Variants in UNC5B observed in about 807,000 individuals in gnomAD.
UNC5B encodes the protein netrin receptor UNC5B.
UNC5B carries 56 observed loss-of-function variants against 103.7 expected under a neutral mutation model. That is an observed-to-expected ratio of 0.54 (90% CI 0.44 to 0.67). The LOEUF is 0.67. Ranked by LOEUF, UNC5B falls within the 30% of genes least tolerant of loss-of-function variation. UNC5B has a pLI of 0.00. For missense variants in UNC5B, 1,194 were observed against 1,284.5 expected, an observed-to-expected ratio of 0.93 and a Z score of 1.08; for synonymous variants, 577 against 542.0, an observed-to-expected ratio of 1.06 and a Z score of -0.90.
intron 1 of UNC5B, among the ~76,000 whole-genome samples, chr10:71,223,704 A>G (rs1376625051): frequency 1.4e-5 from 2 of 148,014 alleles, no homozygotes; most frequent in Non-Finnish European, 3.1e-5. Context: ...CAGCTGGTCC[A>G]GGCGACTTTA....
intron 1 of UNC5B, among the ~76,000 whole-genome samples, chr10:71,234,001 T>G (rs1371064421): frequency 3.3e-5 from 5 of 152,204 alleles, no homozygotes; most frequent in Non-Finnish European, 7.3e-5. Context: ...GCCTGATGAG[T>G]GTGCAAGTAC....
chr10:71,256,976 G>A (rs560082638), intron 1 of UNC5B, among the ~76,000 whole-genome samples: 1 of 152,312 alleles, frequency 6.6e-6, no homozygotes, highest in Admixed American at 6.5e-5. Flanking sequence ...GGAAGGTGCA[G>A]GAAGACGACA....
At chr10:71,233,045 G>A (rs1423731632) in intron 1 of UNC5B, among the ~76,000 whole-genome samples, 2 of 152,220 alleles carry the variant, frequency 1.3e-5, no homozygotes, top group African/African-American at 2.4e-5. Context: ...TCTGAATGTG[G>A]TCTGCAGTAT....
intron 15 of UNC5B, 107 bp from the exon 16 acceptor site, chr10:71,297,802 G>C (rs1845480047): frequency 8.0e-7 from 1 of 1,247,182 alleles, no homozygotes; most frequent in Admixed American, 2.2e-5. Context: ...GTCCAGAGGA[G>C]GTGGGAGTGA....
At chr10:71,236,198 A>G (rs138421409) in intron 1 of UNC5B, among the ~76,000 whole-genome samples, 7 of 152,358 alleles carry the variant, frequency 4.6e-5, no homozygotes, top group Admixed American at 2.0e-4. Flanking sequence ...TAGGTGCCCC[A>G]TAAGTATGAG....
At chr10:71,217,490 C>A (rs1843355856) in intron 1 of UNC5B, 1 of 152,160 alleles carries the variant, frequency 6.6e-6, no homozygotes, top group African/African-American at 2.4e-5. Context: ...GCGCTGGCCT[C>A]GGCCCCCGAC....
At chr10:71,241,604 C>T (rs10999743) in intron 1 of UNC5B, among the ~76,000 whole-genome samples, 58,907 of 151,690 alleles carry the variant, frequency 0.39, 11,772 homozygotes, top group East Asian at 0.5. Context: ...CCCTGGGAGG[C>T]TGAGCTGTAC....
intron 1 of UNC5B, among the ~76,000 whole-genome samples, chr10:71,226,757 A>C (rs116476772): frequency 2.0e-4 from 31 of 152,362 alleles, no homozygotes; most frequent in African/African-American, 7.5e-4. Context: ...ATGCCATATT[A>C]ATATCATGTT....
In UNC5B at chr10:71,213,736, T is replaced by A. The variant is rs1370128539; in HGVS notation, c.79+672T>A. ...TTTTCTGAGTGTTGGAGAGTGTGTG[T>A]GTGTGTGTGTGTGTGTGTGTGTGTG... is the stretch of plus-strand genomic sequence containing the variant. On this transcript the variant is annotated intron_variant, in intron 1 of 16. Transcript: ENST00000335350. This position sits in a 1 kb window ranked among gnomAD's most constrained non-coding sequence, Gnocchi z 4.1. 1.0e-3 allele frequency among the ~76,000 whole-genome samples: 152 copies of A among 147,544 alleles called. 1 individual carries two copies. Among genetic ancestry groups the A allele is most frequent in the African/African-American group, 3.6e-3 (145 of 39,772 alleles).
At chr10:71,281,224 T>G (rs1376196988) in intron 2 of UNC5B, among the ~76,000 whole-genome samples, 1 of 152,210 alleles carries the variant, frequency 6.6e-6, no homozygotes, top group Non-Finnish European at 1.5e-5. Context: ...ACCATATGCT[T>G]ACAAATGGTT....
chr10:71,239,426 G>A (rs1843840231), intron 1 of UNC5B, among the ~76,000 whole-genome samples: 1 of 152,102 alleles, frequency 6.6e-6, no homozygotes, highest in Non-Finnish European at 1.5e-5. Context: ...CGGGTGGGTG[G>A]GATGAGGGTC....
At chr10:71,295,287 C>T (rs538548754) in intron 13 of UNC5B, among the ~76,000 whole-genome samples, 205 of 152,296 alleles carry the variant, frequency 1.3e-3, no homozygotes, top group Middle Eastern at 3.4e-3. Context: ...GTATAGAAAT[C>T]AAGAGAGAAG....
intron 1 of UNC5B, among the ~76,000 whole-genome samples, chr10:71,229,164 C>A (rs1843631875): frequency 6.6e-6 from 1 of 152,244 alleles, no homozygotes; most frequent in South Asian, 2.1e-4. Flanking sequence ...ATGGACGGAA[C>A]TGGCACTTTC....
intron 1 of UNC5B, among the ~76,000 whole-genome samples, chr10:71,220,608 A>G (rs1843434516): frequency 6.6e-6 from 1 of 152,112 alleles, no homozygotes; most frequent in Non-Finnish European, 1.5e-5. Flanking sequence ...ACTGGACTGT[A>G]CCTCCATTTT....
At chr10:71,297,580 A>C (rs1304397463) in intron 15 of UNC5B, among the ~76,000 whole-genome samples, 1 of 152,226 alleles carries the variant, frequency 6.6e-6, no homozygotes, top group Non-Finnish European at 1.5e-5. Context: ...CCTTTTCTAG[A>C]CTTCACTTTC....
chr10:71,298,108 C>T lies in UNC5B; in HGVS notation c.2672+18C>T, dbSNP rs768564693. 2.5e-6 allele frequency: 4 copies of T among 1,577,976 alleles called. No homozygotes were observed. In the South Asian group the frequency reaches 3.5e-5, roughly 14 times the overall value. ...ATGGACCGGTGAGTATCCCAAACCA[C>T]AGCCCATCCCCATCTGCCTTCGTCC... On this transcript the variant is annotated intron_variant, in intron 16 of 16. Coordinates refer to ENST00000335350, the MANE Select transcript of UNC5B (RefSeq NM_170744.5).
rs1843247576 is a variant in UNC5B, at chr10:71,212,570, A to T, written c.-416A>T. 2 of 153,382 alleles carry T rather than the reference A, an allele frequency of 1.3e-5. No homozygotes were observed. Among genetic ancestry groups the T allele is most frequent in the South Asian group, 2.1e-4 (1 of 4,736 alleles). The allele number at this position is 153,382 out of a possible 1,614,324, so 9.5% of individuals were successfully genotyped here. A position where few individuals can be genotyped will look rare whatever the true frequency, so the allele number is the denominator to read the frequency against. ...CGGCGAGCGAGCGGCGGCGCTCGGCATTGTGGCAGGCGGCTGGGGCCGGCT... is the reference window on the plus strand; with the variant it reads ...CGGCGAGCGAGCGGCGGCGCTCGGCTTTGTGGCAGGCGGCTGGGGCCGGCT... On this transcript the variant is annotated 5_prime_UTR_variant, in exon 1 of 17. Coordinates refer to ENST00000335350, the MANE Select transcript of UNC5B (RefSeq NM_170744.5).
chr10:71,282,995 C>T (rs1844970147), intron 2 of UNC5B, among the ~76,000 whole-genome samples: 1 of 152,194 alleles, frequency 6.6e-6, no homozygotes, highest in African/African-American at 2.4e-5. Flanking sequence ...TGGCAGGCGC[C>T]TGTAGTCCCA....
In UNC5B at chr10:71,299,969, C is replaced by G. The variant is rs148932209; in HGVS notation, c.*692C>G. ...AACAACACAAAAAAAATAGAAAACT[C>G]TTTTCTTGAGTGTGGATGAGAATGG... On this transcript the variant is annotated 3_prime_UTR_variant, in exon 17 of 17. Coordinates refer to ENST00000335350, the MANE Select transcript of UNC5B (RefSeq NM_170744.5). The G allele has an allele frequency of 6.6e-5, 10 of 151,794 alleles. No individual in the cohort carries two copies. Among genetic ancestry groups the G allele is most frequent in the Middle Eastern group, 3.4e-3 (1 of 294 alleles). 9.4% of individuals were successfully genotyped at this position (151,794 alleles called of 1,614,324 possible).
Sources: allele counts gnomAD v4.1 joint callset (sites outside exome capture counted in the v4.1 genomes callset), GRCh38; gene constraint gnomAD v4.1.1; non-coding constraint Gnocchi (gnomAD v3.1); transcripts MANE v1.5; gene names NCBI Gene and HGNC (gene_info 2026-07-23, HGNC 2026-07-21).